The following BRCA2 variants were observed in gnomAD, a reference collection of about 807,000 sequenced individuals.
The protein encoded by BRCA2 is breast cancer type 2 susceptibility protein.
Under a neutral mutation model 276.7 loss-of-function variants are expected in BRCA2, and 203 were observed. The ratio of observed to expected loss-of-function variants is 0.73; its 90% confidence interval spans 0.65 to 0.82. The LOEUF is 0.82. Ranked by LOEUF, BRCA2 falls within the 40% of genes least tolerant of loss-of-function variation. BRCA2 has a pLI of 0.00. For synonymous variants in BRCA2, 1,289 were observed against 1,338.4 expected (o/e 0.96, Z 0.81); for missense variants, 3,920 against 3,915.0 (o/e 1.00, Z -0.03).
rs80358478 is a variant in BRCA2, at chr13:32,333,353, T to A, written c.1875T>A (p.Phe625Leu). The A allele has an allele frequency of 2.5e-6, 4 of 1,608,400 alleles. No individual in the cohort carries two copies. The highest frequency in any genetic ancestry group is 3.4e-6 in the Non-Finnish European group (4 of 1,178,894). ...NCSAQFEANA[F>L]EAPLTFANAD... ...CAGCCCAGTTTGAAGCAAATGCTTT[T>A]GAAGCACCACTTACATTTGCAAATG... Residue 625 changes from phenylalanine to leucine, a missense_variant, in exon 10 of 27, where the codon TTT (phenylalanine) becomes TTA (leucine). Physicochemically the swap from Phe to Leu is conservative, Grantham distance 22. Transcript: ENST00000380152.
At chr13:32,375,101 C>T (rs549064276) in intron 20 of BRCA2, among the ~76,000 whole-genome samples, 1 of 152,316 alleles carries the variant, frequency 6.6e-6, no homozygotes, top group South Asian at 2.1e-4. Context: ...CTTGTGAGAA[C>T]TCCCTCACTA....
intron 25 of BRCA2, chr13:32,396,676 C>G: frequency 1.8e-6 from 1 of 566,806 alleles, no homozygotes; most frequent in South Asian, 2.0e-5. Context: ...GATACACATA[C>G]TTTTTCTCTG....
intron 16 of BRCA2, among the ~76,000 whole-genome samples, chr13:32,361,066 G>A (rs1704856050): frequency 1.3e-5 from 2 of 152,144 alleles, no homozygotes; most frequent in Admixed American, 1.3e-4. Context: ...AGTTGGATAT[G>A]GAAGTCTATA....
At chr13:32,381,694 A>G (rs549359886) in intron 24 of BRCA2, among the ~76,000 whole-genome samples, 3 of 152,260 alleles carry the variant, frequency 2.0e-5, no homozygotes, top group Non-Finnish European at 4.4e-5. Context: ...GTCACAGGAA[A>G]ATTCCAGGTA....
At chr13:32,355,486 TA>T (rs1191693680) in intron 14 of BRCA2, among the ~76,000 whole-genome samples, 198 bp downstream of exon 14, 1 of 152,100 alleles carries the variant, frequency 6.6e-6, no homozygotes, top group African/African-American at 2.4e-5. Context: ...GTGGACTTGT[TA>T]AAAAAAATTA....
At chr13:32,395,641 C>T (rs2073030759) in intron 25 of BRCA2, among the ~76,000 whole-genome samples, 1 of 152,140 alleles carries the variant, frequency 6.6e-6, no homozygotes, top group African/African-American at 2.4e-5. Context: ...AACTGCTATG[C>T]AATGCTGCTT....
intron 24 of BRCA2, among the ~76,000 whole-genome samples, chr13:32,387,361 G>A (rs1010408862): frequency 3.9e-5 from 6 of 152,120 alleles, no homozygotes; most frequent in Non-Finnish European, 7.4e-5. Context: ...AATAACTGGC[G>A]GGTATAGGGT....
At chr13:32,376,514 C>A (rs1339780323) in intron 20 of BRCA2, among the ~76,000 whole-genome samples, 156 bp from the exon 21 acceptor site, 3 of 146,686 alleles carry the variant, frequency 2.0e-5, no homozygotes, top group African/African-American at 5.0e-5. Context: ...AGAGTGAGAC[C>A]CTGTCTCAAA....
At position 32,340,694 on chromosome 13, in the gene BRCA2, C is replaced by G. The variant is rs2137526555; in HGVS notation, c.6339C>G (p.Asn2113Lys). The G allele has an allele frequency of 6.2e-7, 1 of 1,609,108 alleles. No homozygotes were observed. The highest frequency in any genetic ancestry group is 8.5e-7 in the Non-Finnish European group (1 of 1,178,910). Residue 2113 changes from asparagine to lysine, a missense_variant, in exon 11 of 27, where the codon AAC becomes AAG. Transcript: ENST00000380152. ...SKILPRVDKR[N>K]PEHCVNSEME... is the part of the protein sequence containing the mutation. ...TACTTCCTCGTGTTGATAAGAGAAA[C>G]CCAGAGCACTGTGTAAACTCAGAAA...
chr13:32,345,002 G>C (rs1271140538), intron 12 of BRCA2, among the ~76,000 whole-genome samples: 1 of 152,080 alleles, frequency 6.6e-6, no homozygotes, highest in East Asian at 1.9e-4. Context: ...CACTTTCATT[G>C]ATGCCATTAC....
At position 32,398,279 on chromosome 13, in the gene BRCA2, GAGAA is replaced by G. The variant is rs587781772; in HGVS notation, c.9770_9773del (p.Lys3257ArgfsTer17). The G allele has an allele frequency of 6.2e-7, 1 of 1,614,158 alleles. No individual in the cohort carries two copies. The highest frequency in any genetic ancestry group is 8.5e-7 in the Non-Finnish European group (1 of 1,180,026). ...GATGACTTCAAAGTCTTGTAAAGGG[GAGAA>G]AGAGATTGATGACCAAAAGAACTGC... On this transcript the variant is annotated frameshift_variant, in exon 27 of 27. Coordinates refer to ENST00000380152, the MANE Select transcript of BRCA2 (RefSeq NM_000059.4). LOFTEE classifies it low-confidence loss of function (END_TRUNC).
chr13:32,336,141 A>C lies in BRCA2; in HGVS notation c.1910-124A>C, dbSNP rs2137481129. 4 of 1,115,666 alleles carry C rather than the reference A, an allele frequency of 3.6e-6. No homozygotes were observed. In the East Asian group the frequency reaches 1.0e-4, roughly 29 times the overall value. 69.1% of individuals were successfully genotyped at this position (1,115,666 alleles called of 1,614,324 possible). A position where few individuals can be genotyped will look rare whatever the true frequency, so the allele number is the denominator to read the frequency against. On this transcript the variant is annotated intron_variant, in intron 10 of 26. Transcript: ENST00000380152. ...GCAGTCTTCCTGCCTCAGCCTCCCA[A>C]AAGTGCTGAGATTACAGGCATGAGC...
At chr13:32,352,070 G>A (rs928716685) in intron 13 of BRCA2, among the ~76,000 whole-genome samples, 1 of 152,124 alleles carries the variant, frequency 6.6e-6, no homozygotes, top group Admixed American at 6.5e-5. Context: ...CAAGGTGCTG[G>A]GATTACAGAC....
rs750055488 is a variant in BRCA2 at position 32,338,316 on chromosome 13, G to C, written c.3961G>C (p.Asp1321His). The change falls in exon 11 of 27, where the codon GAT (aspartate) becomes CAT (histidine). Residue 1321 changes from aspartate to histidine, a missense_variant. Physicochemically the swap from Asp to His is moderately conservative, Grantham distance 81 (BLOSUM62 -1). Around this residue, in one of 2 missense-constraint regions of BRCA2, gnomAD observed 3,263 missense variants for 3,156.9 expected, o/e 1.03. Transcript: ENST00000380152. ...ENYKRNTENE[D>H]NKYTAASRNS... The stretch of plus-strand genomic sequence containing the variant: ...TTACAAGAGAAATACTGAAAATGAA[G>C]ATAACAAATATACTGCTGCCAGTAG... 1.9e-6 allele frequency: 3 copies of C among 1,584,228 alleles called. No homozygotes were observed. The South Asian group carries it at 3.5e-5, about 19-fold the overall frequency.
At position 32,316,321 on chromosome 13, in the gene BRCA2, T is replaced by G. The variant is rs896998548; in HGVS notation, c.-39-101T>G. On this transcript the variant is annotated intron_variant, in intron 1 of 26. Transcript: ENST00000380152. ...TACCGTTCCAGGAGATGGGACTGAA[T>G]TAGAATTCAAACAAATTTTCCAGCG... 5 of 774,962 alleles carry G rather than the reference T, an allele frequency of 6.5e-6. No individual in the cohort carries two copies. In the African/African-American group the frequency reaches 6.9e-5, roughly 11 times the overall value. The allele number at this position is 774,962 out of a possible 1,614,324, so 48.0% of individuals were successfully genotyped here. A position where few individuals can be genotyped will look rare whatever the true frequency, so the allele number is the denominator to read the frequency against.
At chr13:32,362,865 A>T (rs187026233) in intron 17 of BRCA2, among the ~76,000 whole-genome samples, 172 bp downstream of exon 17, 1 of 152,254 alleles carries the variant, frequency 6.6e-6, no homozygotes, top group Non-Finnish European at 1.5e-5. Context: ...GAGATCACAC[A>T]TTCATGCATT....
At position 32,333,264 on chromosome 13, in the gene BRCA2, G is replaced by C. The variant is rs56328701; in HGVS notation, c.1786G>C (p.Asp596His). ...KTNKFIYAIH[D>H]ETSYKGKKIP... is the part of the protein sequence containing the mutation. ...AAATAAGTTTATTTATGCTATACAT[G>C]ATGAAACATCTTATAAAGGAAAAAA... The change falls in exon 10 of 27, where the codon GAT becomes CAT. Residue 596 changes from aspartate to histidine, a missense_variant. This residue lies in a region of BRCA2 where 3,263 missense variants were observed against 3,156.9 expected (regional missense o/e 1.03). Coordinates refer to ENST00000380152, the MANE Select transcript of BRCA2 (RefSeq NM_000059.4). 860 of 1,608,472 alleles carry C rather than the reference G, an allele frequency of 5.3e-4. No individual in the cohort carries two copies. Among genetic ancestry groups the C allele is most frequent in the Non-Finnish European group, 7.1e-4 (834 of 1,177,886 alleles).
intron 7 of BRCA2, 142 bp from the exon 8 acceptor site, chr13:32,329,301 A>G (rs559554478): frequency 3.2e-6 from 2 of 616,752 alleles, no homozygotes; most frequent in South Asian, 2.0e-5. Flanking sequence ...TCTAATTACT[A>G]TACTTAAGTA....
At position 32,340,623 on chromosome 13, in the gene BRCA2, C is replaced by T. The variant is rs1405631299; in HGVS notation, c.6268C>T (p.His2090Tyr). The T allele has an allele frequency of 1.9e-6, 3 of 1,607,068 alleles. No individual in the cohort carries two copies. Among genetic ancestry groups the T allele is most frequent in the Admixed American group, 3.4e-5 (2 of 58,594 alleles). Residue 2090 changes from histidine (H) to tyrosine (Y), a missense_variant, in exon 11 of 27, where the codon CAT (histidine) becomes TAT (tyrosine). Physicochemically the swap from His to Tyr is moderately conservative, Grantham distance 83. Transcript: ENST00000380152. ...LEEFDLIRTE[H>Y]SLHYSPTSRQ... Reference sequence around the variant, plus strand: ...GGAATTTGATTTAATCAGAACTGAGCATAGTCTTCACTATTCACCTACGTC... The same window carrying T: ...GGAATTTGATTTAATCAGAACTGAGTATAGTCTTCACTATTCACCTACGTC...
Sources: allele counts gnomAD v4.1 joint callset (sites outside exome capture counted in the v4.1 genomes callset), GRCh38; gene constraint gnomAD v4.1.1; regional missense constraint gnomAD v4.1.1; transcripts MANE v1.5; gene names NCBI Gene and HGNC (gene_info 2026-07-23, HGNC 2026-07-21).